Variants in HEATR5B observed in about 807,000 individuals in gnomAD.
HEATR5B encodes HEAT repeat-containing protein 5B.
Under a neutral mutation model 224.1 loss-of-function variants are expected in HEATR5B, and 156 were observed. That is an observed-to-expected ratio of 0.70 (90% CI 0.61 to 0.80). HEATR5B has a LOEUF of 0.80. Ranked by LOEUF, HEATR5B falls within the 30% of genes least tolerant of loss-of-function variation. The pLI, the probability that HEATR5B is intolerant of heterozygous loss-of-function variation, is 0.00. For missense variants in HEATR5B, 2,323 were observed against 2,535.5 expected (o/e 0.92, Z 1.80); for synonymous variants, 1,027 against 893.0 (o/e 1.15, Z -2.68).
At chr2:37,056,331 G>A in intron 16 of HEATR5B, 109 bp downstream of exon 16, 1 of 709,896 alleles carries the variant, frequency 1.4e-6, no homozygotes, top group Non-Finnish European at 2.2e-6. Context: ...ACTGTTTTAA[G>A]TATTATAATA....
chr2:37,000,855 T>A, intron 32 of HEATR5B, 42 bp from the exon 33 acceptor site: 1 of 1,288,000 alleles, frequency 7.8e-7, no homozygotes, highest in Non-Finnish European at 1.1e-6. Flanking sequence ...ACTATTCAGT[T>A]CCCATATTAT....
chr2:37,000,646 T>G lies in HEATR5B; in HGVS notation c.5485A>C (p.Lys1829Gln), dbSNP rs1186003004. 1 of 1,614,232 alleles carries G rather than the reference T, an allele frequency of 6.2e-7. No homozygotes were observed. The highest frequency in any genetic ancestry group is 2.2e-5 in the East Asian group (1 of 44,884). ...SMAKTEAGVQ[K>Q]QWTALIRSTL... is the part of the protein sequence containing the mutation. ...CTACGAATCAGAGCTGTCCACTGTTTTTGAACGCCAGCCTCAGTTTTGGCC... is the reference window on the plus strand; with the variant it reads ...CTACGAATCAGAGCTGTCCACTGTTGTTGAACGCCAGCCTCAGTTTTGGCC... Residue 1829 changes from lysine to glutamine, a missense_variant, in exon 33 of 36, where the codon AAA (lysine) becomes CAA (glutamine). Transcript: ENST00000233099.
chr2:37,060,476 ATT>A (rs1382467010), intron 12 of HEATR5B, 103 bp downstream of exon 12: 1 of 895,050 alleles, frequency 1.1e-6, no homozygotes, highest in Admixed American at 2.8e-5. Flanking sequence ...TGAATTTATC[ATT>A]ACCTAGTAAA....
At chr2:37,028,964 G>A (rs1465350921) in intron 22 of HEATR5B, 44 bp from the exon 23 acceptor site, 1 of 1,591,956 alleles carries the variant, frequency 6.3e-7, no homozygotes, top group Non-Finnish European at 8.6e-7. Context: ...GTATTTTGGT[G>A]TACGCTATAG....
intron 4 of HEATR5B, chr2:37,075,922 G>A (rs1672199373): frequency 5.3e-6 from 1 of 189,558 alleles, no homozygotes; most frequent in South Asian, 1.9e-4. Context: ...AGATTCAAAA[G>A]CTTCAATATC....
At chr2:37,071,135 AT>A (rs1671880513) in intron 6 of HEATR5B, among the ~76,000 whole-genome samples, 1 of 65,058 alleles carries the variant, frequency 1.5e-5, no homozygotes, top group Non-Finnish European at 2.8e-5. Flanking sequence ...ACATTACATC[AT>A]CATCATCATC....
intron 13 of HEATR5B, 22 bp downstream of exon 13, chr2:37,058,866 C>G (rs778045819): frequency 8.5e-6 from 12 of 1,415,990 alleles, no homozygotes; most frequent in Admixed American, 1.7e-5. Flanking sequence ...AGGATGTGAA[C>G]TTGTCTCAAT....
chr2:37,060,904 T>C (rs1671243569), intron 11 of HEATR5B, among the ~76,000 whole-genome samples, 171 bp from the exon 12 acceptor site: 1 of 152,202 alleles, frequency 6.6e-6, no homozygotes, highest in South Asian at 2.1e-4. Context: ...TCTCTAAAAT[T>C]ACATTATTTT....
rs760914056 is a variant in HEATR5B, at chr2:37,056,458, T to C, written c.2381A>G (p.His794Arg). ...SVALFGVVFP[H>R]VSYKHRLQML... The stretch of plus-strand genomic sequence containing the variant: ...TACTAACCGGTGTTTATAAGAAACA[T>C]GAGGAAACACTACACCAAAAAGGGC... Residue 794 changes from histidine to arginine, a missense_variant, in exon 16 of 36, where the codon CAT (histidine) becomes CGT (arginine). By Grantham distance (29) the His-to-Arg change is conservative (BLOSUM62 0). Transcript: ENST00000233099. 1.2e-6 allele frequency: 2 copies of C among 1,604,604 alleles called. No homozygotes were observed. The highest frequency in any genetic ancestry group is 1.4e-5 in the African/African-American group (1 of 74,070).
At chr2:37,059,462 A>ATTTTT (rs1287761202) in intron 12 of HEATR5B, among the ~76,000 whole-genome samples, 1 of 93,900 alleles carries the variant, frequency 1.1e-5, no homozygotes, top group African/African-American at 4.2e-5. Context: ...ATATATATAT[A>ATTTTT]TATTTTTTTT....
chr2:37,012,837 A>C lies in HEATR5B; in HGVS notation c.4284+1004T>G, dbSNP rs117395001. Among the ~76,000 whole-genome samples the C allele has an allele frequency of 1.3e-3, 193 of 152,318 alleles. 3 individuals carry two copies. The East Asian group carries it at 0.034, about 27-fold the overall frequency. On this transcript the variant is annotated intron_variant, in intron 27 of 35. Transcript: ENST00000233099. The stretch of plus-strand genomic sequence containing the variant: ...TCCTCCATGTTTCAATGTAAACATC[A>C]CTTTCTCCAAAAAGGCTACTTCTGA...
rs771652202 is a variant in HEATR5B, at chr2:37,020,624, T to TTTAAATTCTTAATTTTA, written c.4035+30_4035+31insTAAAATTAAGAATTTAA. The TTTAAATTCTTAATTTTA allele has an allele frequency of 6.1e-5, 90 of 1,471,364 alleles. 1 individual carries two copies. In the South Asian group the frequency reaches 1.2e-3, roughly 20 times the overall value. The allele number at this position is 1,471,364 out of a possible 1,614,324, so 91.1% of individuals were successfully genotyped here. On this transcript the variant is annotated intron_variant, in intron 25 of 35. Coordinates refer to ENST00000233099, the MANE Select transcript of HEATR5B (RefSeq NM_019024.3). ...TTCAGCAATCTTTCAAAAGATCAATTTTAAGTTCTTAAATAAATAGAAAAT... is the reference window on the plus strand; with the variant it reads ...TTCAGCAATCTTTCAAAAGATCAATTTTAAATTCTTAATTTTATTAAGTTCTTAAATAAATAGAAAAT...
chr2:37,017,545 G>A (rs566222109), intron 26 of HEATR5B, among the ~76,000 whole-genome samples: 1 of 151,866 alleles, frequency 6.6e-6, no homozygotes, highest in East Asian at 1.9e-4. Context: ...AATTAGCTGG[G>A]CATGGTGACG....
intron 27 of HEATR5B, among the ~76,000 whole-genome samples, chr2:37,009,353 C>T (rs912225523): frequency 6.6e-6 from 1 of 150,584 alleles, no homozygotes; most frequent in African/African-American, 2.4e-5. Context: ...AGCTGGGAAT[C>T]ACTTGAAGCC....
chr2:37,018,363 T>C (rs1285723732), intron 26 of HEATR5B, among the ~76,000 whole-genome samples: 1 of 152,208 alleles, frequency 6.6e-6, no homozygotes, highest in African/African-American at 2.4e-5. Flanking sequence ...GATACACTTA[T>C]TTACATATGG....
chr2:36,989,299 C>T (rs746099698), intron 34 of HEATR5B, among the ~76,000 whole-genome samples: 7 of 151,962 alleles, frequency 4.6e-5, no homozygotes, highest in Non-Finnish European at 7.4e-5. Flanking sequence ...TTGGTCAGGA[C>T]GCTCTCAATC....
At chr2:36,987,419 T>TTA (rs1666023461) in intron 35 of HEATR5B, among the ~76,000 whole-genome samples, 2 of 90,650 alleles carry the variant, frequency 2.2e-5, no homozygotes, top group African/African-American at 9.5e-5. Context: ...AGACTTTGTT[T>TTA]CAAAAAAAAA....
chr2:37,078,565 A>C (rs1331002934), intron 3 of HEATR5B, among the ~76,000 whole-genome samples: 1 of 152,130 alleles, frequency 6.6e-6, no homozygotes, highest in East Asian at 1.9e-4. Context: ...CTCCTCTAAA[A>C]CTTTTGAGGT....
chr2:37,039,862 G>A (rs113756737), intron 20 of HEATR5B, among the ~76,000 whole-genome samples: 4 of 152,050 alleles, frequency 2.6e-5, no homozygotes, highest in African/African-American at 9.7e-5. Flanking sequence ...TTATCTTCTC[G>A]CAGTTTACTT....
Sources: gnomAD v4.1 joint callset for allele counts (sites outside exome capture counted in the v4.1 genomes callset) on GRCh38, gnomAD v4.1.1 for gene constraint, MANE v1.5 for transcripts, NCBI Gene and HGNC (gene_info 2026-07-23, HGNC 2026-07-21) for gene names.